Variants in UQCRFS1 observed in about 807,000 individuals in gnomAD.
UQCRFS1 encodes ubiquinol-cytochrome c reductase, Rieske iron-sulfur polypeptide 1.
In UQCRFS1, 6 loss-of-function variants were observed where a neutral mutation model predicts 15.6. The observed-to-expected ratio is 0.38, with a 90% CI of 0.21 to 0.76. The LOEUF (loss-of-function observed/expected upper bound fraction) is 0.76, where lower values mean the gene tolerates loss of function less well. UQCRFS1 is among the 30% of genes least tolerant of loss of function. UQCRFS1 has a pLI of 0.44. For missense variants in UQCRFS1, 203 were observed against 366.7 expected, an observed-to-expected ratio of 0.55 and a Z score of 3.65; for synonymous variants, 105 against 154.3, an observed-to-expected ratio of 0.68 and a Z score of 2.37.
chr19:29,206,265 C>T lies in UQCRFS1; in HGVS notation c.*1283G>A, dbSNP rs1281312071. 1 of 152,190 alleles carries T rather than the reference C, an allele frequency of 6.6e-6. No individual in the cohort carries two copies. Among genetic ancestry groups the T allele is most frequent in the Non-Finnish European group, 1.5e-5 (1 of 68,044 alleles). The allele number at this position is 152,190 out of a possible 1,614,324, so 9.4% of individuals were successfully genotyped here. A position where few individuals can be genotyped will look rare whatever the true frequency, so the allele number is the denominator to read the frequency against. On this transcript the variant is annotated 3_prime_UTR_variant, in exon 2 of 2. Coordinates refer to ENST00000304863, the MANE Select transcript of UQCRFS1 (RefSeq NM_006003.3). ...TAGAATGGTAAAAATGAAGCAAAGA[C>T]TAGTATCTACTCATAAGCATAGAAA...
chr19:29,207,432 C>T lies in UQCRFS1; in HGVS notation c.*116G>A. ...TATTTCACATTAATGTTTGCAAATA[C>T]ATCATCAATTCTTACATATTTCAAA... On this transcript the variant is annotated 3_prime_UTR_variant, in exon 2 of 2. Transcript: ENST00000304863. The T allele has an allele frequency of 6.7e-6, 8 of 1,198,562 alleles. No homozygotes were observed. 74.2% of individuals were successfully genotyped at this position (1,198,562 alleles called of 1,614,324 possible).
chr19:29,211,644 G>A (rs1236420258), intron 1 of UQCRFS1, among the ~76,000 whole-genome samples: 2 of 152,222 alleles, frequency 1.3e-5, no homozygotes, highest in Non-Finnish European at 1.5e-5. Context: ...ATGTGCTACA[G>A]AGACAGACAA....
intron 1 of UQCRFS1, among the ~76,000 whole-genome samples, chr19:29,212,590 G>A (rs1976668204): frequency 6.6e-6 from 1 of 152,176 alleles, no homozygotes; most frequent in African/African-American, 2.4e-5. Flanking sequence ...CATTTCACAG[G>A]AAGTACGTTT....
chr19:29,210,457 C>A (rs947169902), intron 1 of UQCRFS1, among the ~76,000 whole-genome samples: 1 of 151,522 alleles, frequency 6.6e-6, no homozygotes, highest in African/African-American at 2.4e-5. Flanking sequence ...GTGTGCTGCA[C>A]CCATTGACTC....
intron 1 of UQCRFS1, among the ~76,000 whole-genome samples, chr19:29,211,690 A>C (rs1976651810): frequency 6.6e-6 from 1 of 152,236 alleles, no homozygotes; most frequent in Non-Finnish European, 1.5e-5. Flanking sequence ...CTGATCCTTA[A>C]CTGAGATTGA....
At chr19:29,208,235 T>C in intron 1 of UQCRFS1, 77 bp from the exon 2 acceptor site, 1 of 1,497,216 alleles carries the variant, frequency 6.7e-7, no homozygotes, top group Non-Finnish European at 8.8e-7. Context: ...AAATAGCCCT[T>C]TATGGATTCA....
Position 29,207,426 on chromosome 19 carries a change from C to T in UQCRFS1, c.*122G>A. The T allele has an allele frequency of 2.6e-6, 3 of 1,175,804 alleles. No individual in the cohort carries two copies. In the South Asian group the frequency reaches 5.0e-5, roughly 20 times the overall value. The allele number at this position is 1,175,804 out of a possible 1,614,324, so 72.8% of individuals were successfully genotyped here. A position where few individuals can be genotyped will look rare whatever the true frequency, so the allele number is the denominator to read the frequency against. On this transcript the variant is annotated 3_prime_UTR_variant, in exon 2 of 2. Transcript: ENST00000304863. ...TCAATTTATTTCACATTAATGTTTG[C>T]AAATACATCATCAATTCTTACATAT... is the stretch of plus-strand genomic sequence containing the variant.
chr19:29,208,474 C>T (rs1976614558), intron 1 of UQCRFS1, among the ~76,000 whole-genome samples: 2 of 152,134 alleles, frequency 1.3e-5, no homozygotes, highest in Admixed American at 6.5e-5. Context: ...ATGCTAAAAA[C>T]GTTAAACAGC....
chr19:29,210,073 A>G (rs541753555), intron 1 of UQCRFS1, among the ~76,000 whole-genome samples: 1 of 152,358 alleles, frequency 6.6e-6, no homozygotes, highest in African/African-American at 2.4e-5. Flanking sequence ...CAAATACTTA[A>G]AGGAGAAAAT....
At chr19:29,209,371 T>C (rs188872906) in intron 1 of UQCRFS1, among the ~76,000 whole-genome samples, 24 of 152,328 alleles carry the variant, frequency 1.6e-4, no homozygotes, top group East Asian at 1.5e-3. Context: ...AATTCTACCT[T>C]GCTCTACTAG....
Position 29,212,944 on chromosome 19 carries a change from C to T in UQCRFS1, c.175G>A (p.Ala59Thr). The T allele has an allele frequency of 7.1e-7, 1 of 1,405,130 alleles. No individual in the cohort carries two copies. Among genetic ancestry groups the T allele is most frequent in the Non-Finnish European group, 9.1e-7 (1 of 1,093,554 alleles). 87.0% of individuals were successfully genotyped at this position (1,405,130 alleles called of 1,614,324 possible). ...FLSRESLSGQ[A>T]VRRPLVASVG... ...GAGGCGACCAAAGGCCGGCGCACGGCCTGGCCGCTCAGCGACTCCCGGCTG... is the reference window on the plus strand; with the variant it reads ...GAGGCGACCAAAGGCCGGCGCACGGTCTGGCCGCTCAGCGACTCCCGGCTG... The change falls in exon 1 of 2, where the codon GCC becomes ACC. Residue 59 changes from alanine (A) to threonine (T), a missense_variant. Ala to Thr is a moderately conservative substitution (Grantham distance 58, BLOSUM62 0). Coordinates refer to ENST00000304863, the MANE Select transcript of UQCRFS1 (RefSeq NM_006003.3).
At chr19:29,209,004 A>T (rs1291458981) in intron 1 of UQCRFS1, among the ~76,000 whole-genome samples, 2 of 152,160 alleles carry the variant, frequency 1.3e-5, no homozygotes, top group Non-Finnish European at 2.9e-5. Context: ...AGTTCTCTCA[A>T]CTGGGGCACT....
intron 1 of UQCRFS1, among the ~76,000 whole-genome samples, chr19:29,211,069 G>GT (rs1338682865): frequency 6.6e-6 from 1 of 151,974 alleles, no homozygotes; most frequent in Non-Finnish European, 1.5e-5. Context: ...GTGTGAGATG[G>GT]TATCTCATTG....
chr19:29,206,050 A>C lies in UQCRFS1; in HGVS notation c.*1498T>G, dbSNP rs1263182572. The C allele has an allele frequency of 6.6e-6, 1 of 152,166 alleles. No homozygotes were observed. Among genetic ancestry groups the C allele is most frequent in the Non-Finnish European group, 1.5e-5 (1 of 68,040 alleles). 9.4% of individuals were successfully genotyped at this position (152,166 alleles called of 1,614,324 possible). On this transcript the variant is annotated 3_prime_UTR_variant, in exon 2 of 2. Transcript: ENST00000304863. ...TCTCTATAGGGAGGGGGTGCTGTTG[A>C]CATTTTTGGCAGCACAGGTTTTTTA...
chr19:29,207,569 G>A lies in UQCRFS1; in HGVS notation c.804C>T (p.Asp268=), dbSNP rs1335699539. Residue 268 remains aspartate (D), a synonymous_variant, in exon 2 of 2, where the codon GAC becomes GAT. Transcript: ENST00000304863. ...TCTCTTAACCAACAATCACCATATC[G>A]TCACTGGTGAACTCATACGTGGGGA... ...LEVPTYEFTS[D]DMVIVG 22 of 1,610,762 alleles carry A rather than the reference G, an allele frequency of 1.4e-5. No homozygotes were observed. The highest frequency in any genetic ancestry group is 1.8e-5 in the Non-Finnish European group (21 of 1,177,474).
Position 29,208,019 on chromosome 19 carries a change from A to G in UQCRFS1, c.354T>C (p.Thr118=). Residue 118 remains threonine, a synonymous_variant, in exon 2 of 2, where the codon ACT becomes ACC. Coordinates refer to ENST00000304863, the MANE Select transcript of UQCRFS1 (RefSeq NM_006003.3). Reference sequence around the variant, plus strand: ...ATGCGACACCCACAGTAGTTACTCCAGTTACCAAATAGGAGAAACCTTTCC... The same window carrying G: ...ATGCGACACCCACAGTAGTTACTCCGGTTACCAAATAGGAGAAACCTTTCC... ...EARKGFSYLV[T]GVTTVGVAYA... 1.9e-6 allele frequency: 3 copies of G among 1,614,034 alleles called. No individual in the cohort carries two copies. The highest frequency in any genetic ancestry group is 2.5e-6 in the Non-Finnish European group (3 of 1,179,876).
chr19:29,208,274 G>T, intron 1 of UQCRFS1, 116 bp from the exon 2 acceptor site: 1 of 1,360,294 alleles, frequency 7.4e-7, no homozygotes, highest in Non-Finnish European at 9.7e-7. Context: ...CTAAAAATGT[G>T]AAATATGGCA....
chr19:29,208,171 CAGA>C lies in UQCRFS1; in HGVS notation c.215-16_215-14del. ...ACAGAAGCAGGGACTGCAAGACAAA[CAGA>C]AGGTTAAAAAACACAATTAGATGAG... is the stretch of plus-strand genomic sequence containing the variant. On this transcript the variant is annotated splice_polypyrimidine_tract_variant and intron_variant, in intron 1 of 1. Transcript: ENST00000304863. 5 of 1,594,442 alleles carry C rather than the reference CAGA, an allele frequency of 3.1e-6. No individual in the cohort carries two copies. In the South Asian group the frequency reaches 4.6e-5, roughly 15 times the overall value.
Position 29,205,344 on chromosome 19 carries a change from T to A in UQCRFS1, c.*2204A>T, listed in dbSNP as rs930821226. On this transcript the variant is annotated 3_prime_UTR_variant, in exon 2 of 2. Coordinates refer to ENST00000304863, the MANE Select transcript of UQCRFS1 (RefSeq NM_006003.3). ...ATACAGAAAATGAAATTTAGTACTG[T>A]GAGAATGAAGAATTACTTCTGATAT... The A allele has an allele frequency of 2.0e-5, 3 of 152,172 alleles. No homozygotes were observed. The highest frequency in any genetic ancestry group is 4.4e-5 in the Non-Finnish European group (3 of 68,028). 9.4% of individuals were successfully genotyped at this position (152,172 alleles called of 1,614,324 possible).
Sources: allele counts gnomAD v4.1 joint callset (sites outside exome capture counted in the v4.1 genomes callset), GRCh38; gene constraint gnomAD v4.1.1; transcripts MANE v1.5; gene names NCBI Gene and HGNC (gene_info 2026-07-23, HGNC 2026-07-21).